The following ZNF277 variants were observed in gnomAD, a reference collection of about 807,000 sequenced individuals.
ZNF277 encodes zinc finger protein 277.
In ZNF277, 55 loss-of-function variants were observed where a neutral mutation model predicts 60.7. The ratio of observed to expected loss-of-function variants is 0.91; its 90% CI spans 0.73 to 1.13. The LOEUF is 1.13. Among genes scored for constraint, ZNF277 ranks in the 50% most tolerant of loss-of-function variants. The pLI is 0.00. For missense variants in ZNF277, 510 were observed against 523.0 expected (o/e 0.98, Z 0.24); for synonymous variants, 178 against 179.3 (o/e 0.99, Z 0.06).
intron 10 of ZNF277, among the ~76,000 whole-genome samples, chr7:112,340,147 T>C (rs1430385942): frequency 6.6e-6 from 1 of 152,222 alleles, no homozygotes; most frequent in African/African-American, 2.4e-5. Context: ...TGGTTAATAA[T>C]ATATCATAAA....
intron 2 of ZNF277, 21 bp from the exon 3 acceptor site, chr7:112,295,848 C>T (rs1251064691): frequency 1.3e-6 from 2 of 1,579,348 alleles, no homozygotes; most frequent in East Asian, 2.2e-5. Context: ...CTCATCGTTC[C>T]TTATTTTATG....
rs1207996463 is a variant in ZNF277, at chr7:112,288,859, C to G, written c.293+1785C>G. On this transcript the variant is annotated intron_variant, in intron 2 of 11. Coordinates refer to ENST00000361822, the MANE Select transcript of ZNF277 (RefSeq NM_021994.3). ...CTGCTGGAACCTCCAGACAAGCTCT[C>G]AAGTCCATTTGTAGGAGAACATAGG... 3 of 146,518 alleles carry G rather than the reference C, an allele frequency of 2.0e-5. No individual in the cohort carries two copies. The Admixed American group carries it at 2.1e-4, about 10-fold the overall frequency. The allele number at this position is 146,518 out of a possible 1,614,324, so 9.1% of individuals were successfully genotyped here.
At chr7:112,233,245 T>C (rs1822387805) in intron 1 of ZNF277, among the ~76,000 whole-genome samples, 2 of 152,194 alleles carry the variant, frequency 1.3e-5, no homozygotes, top group Admixed American at 1.3e-4. Flanking sequence ...TCTTTGGCAC[T>C]TGGATGAGAT....
At chr7:112,279,835 G>A (rs754855616) in intron 1 of ZNF277, among the ~76,000 whole-genome samples, 4 of 152,068 alleles carry the variant, frequency 2.6e-5, no homozygotes, top group Admixed American at 6.6e-5. Flanking sequence ...GAAGTGGATC[G>A]TCATAAAGGT....
At chr7:112,326,017 G>A (rs1317680296) in intron 5 of ZNF277, among the ~76,000 whole-genome samples, 2 of 149,252 alleles carry the variant, frequency 1.3e-5, no homozygotes, top group East Asian at 1.9e-4. Context: ...CTCTCATCTC[G>A]TAACTCAGAC....
intron 1 of ZNF277, among the ~76,000 whole-genome samples, chr7:112,251,194 T>G (rs1439921239): frequency 6.6e-6 from 1 of 152,156 alleles, no homozygotes; most frequent in African/African-American, 2.4e-5. Flanking sequence ...ATTTTTCTCT[T>G]CTCAGTTTGC....
intron 2 of ZNF277, among the ~76,000 whole-genome samples, chr7:112,294,787 A>G (rs1792288175): frequency 6.6e-6 from 1 of 152,172 alleles, no homozygotes; most frequent in Non-Finnish European, 1.5e-5. Flanking sequence ...AATTAATGTT[A>G]AGAAAAAAAT....
At chr7:112,296,931 T>TATTA (rs1563219797) in intron 4 of ZNF277, among the ~76,000 whole-genome samples, 6 of 84,072 alleles carry the variant, frequency 7.1e-5, no homozygotes, top group African/African-American at 2.3e-4. Flanking sequence ...TTTTTTTTTT[T>TATTA]TTTTTTTTTT....
chr7:112,279,193 A>G (rs1406913017), intron 1 of ZNF277, among the ~76,000 whole-genome samples: 3 of 152,320 alleles, frequency 2.0e-5, no homozygotes, highest in East Asian at 1.9e-4. Flanking sequence ...CTTGTTTTCA[A>G]TTCTTTTGGA....
intron 1 of ZNF277, among the ~76,000 whole-genome samples, chr7:112,277,891 CAT>C (rs1486809646): frequency 1.3e-5 from 2 of 152,142 alleles, no homozygotes; most frequent in African/African-American, 4.8e-5. Context: ...ATTGCTAAAA[CAT>C]ATGTTTGACT....
At chr7:112,339,623 T>C (rs1793404277) in intron 9 of ZNF277, among the ~76,000 whole-genome samples, 1 of 152,136 alleles carries the variant, frequency 6.6e-6, no homozygotes, top group African/African-American at 2.4e-5. Context: ...CCGGCCCAAT[T>C]ATAATGGTTT....
At chr7:112,260,184 T>C (rs769958916) in intron 1 of ZNF277, among the ~76,000 whole-genome samples, 3 of 152,182 alleles carry the variant, frequency 2.0e-5, no homozygotes, top group Non-Finnish European at 2.9e-5. Context: ...GAGAATCTCC[T>C]GAGCCCAGGA....
At chr7:112,324,700 G>A (rs958879728) in intron 5 of ZNF277, among the ~76,000 whole-genome samples, 12 of 152,032 alleles carry the variant, frequency 7.9e-5, no homozygotes, top group African/African-American at 2.7e-4. Flanking sequence ...AACCACTTAG[G>A]TACTTGTATT....
rs188621815 is a variant in ZNF277 at position 112,342,352 on chromosome 7, A to G, written c.1185-209A>G. On this transcript the variant is annotated intron_variant, in intron 11 of 11. Transcript: ENST00000361822. ...GAGGTCCACGATCTTGGTTTACCAA[A>G]TCTGGATAGTAGATTTGGTAAGGTT... 1.5e-3 allele frequency among the ~76,000 whole-genome samples: 236 copies of G among 152,290 alleles called. 1 individual carries two copies. The highest frequency in any genetic ancestry group is 5.4e-3 in the African/African-American group (224 of 41,568).
At chr7:112,226,746 G>A (rs1822185987) in intron 1 of ZNF277, among the ~76,000 whole-genome samples, 1 of 152,124 alleles carries the variant, frequency 6.6e-6, no homozygotes, top group African/African-American at 2.4e-5. Context: ...TTCTCTGTGT[G>A]TGGTATCATT....
At chr7:112,250,136 G>T (rs901256955) in intron 1 of ZNF277, among the ~76,000 whole-genome samples, 4 of 152,098 alleles carry the variant, frequency 2.6e-5, no homozygotes, top group Non-Finnish European at 2.9e-5. Flanking sequence ...GCACCTGGGG[G>T]TAGGTCTCTA....
rs114001244 is a variant in ZNF277 at position 112,276,094 on chromosome 7, G to T, written c.92-10779G>T. ...AGGTCCACCTCAAGTCTACCAGATG[G>T]TTTGTTGCTGAGTCCATTTTTTAGT... On this transcript the variant is annotated intron_variant, in intron 1 of 11. Coordinates refer to ENST00000361822, the MANE Select transcript of ZNF277 (RefSeq NM_021994.3). 9.0e-3 allele frequency among the ~76,000 whole-genome samples: 1,377 copies of T among 152,292 alleles called. 17 individuals are homozygous for T. The highest frequency in any genetic ancestry group is 0.031 in the African/African-American group (1,293 of 41,562).
intron 4 of ZNF277, among the ~76,000 whole-genome samples, chr7:112,316,899 A>G (rs1216205728): frequency 6.6e-6 from 1 of 152,048 alleles, no homozygotes. Context: ...CTTGGAACCA[A>G]CCCAAATGCC....
intron 1 of ZNF277, among the ~76,000 whole-genome samples, chr7:112,243,787 G>T (rs1377808905): frequency 6.6e-6 from 1 of 151,998 alleles, no homozygotes; most frequent in African/African-American, 2.4e-5. Context: ...ATTTTATACA[G>T]CAGTCCCACT....
Sources: allele counts gnomAD v4.1 joint callset (sites outside exome capture counted in the v4.1 genomes callset), GRCh38; gene constraint gnomAD v4.1.1; transcripts MANE v1.5; gene names NCBI Gene and HGNC (gene_info 2026-07-23, HGNC 2026-07-21).